The following POLH variants were observed in gnomAD, a reference collection of about 807,000 sequenced individuals.
POLH encodes DNA polymerase eta transcript.
Under a neutral mutation model 73.6 loss-of-function variants are expected in POLH, and 53 were observed. The ratio of observed to expected loss-of-function variants is 0.72; its 90% CI spans 0.58 to 0.91. The LOEUF (loss-of-function observed/expected upper bound fraction) is 0.91. Among genes scored for constraint, POLH ranks in the 40% least tolerant of loss-of-function variants. The probability of loss-of-function intolerance (pLI) is 0.00; values close to 1 mark genes in which losing one functional copy is unlikely to be tolerated. For synonymous variants in POLH, 292 were observed against 308.5 expected, an observed-to-expected ratio of 0.95 and a Z score of 0.56; for missense variants, 768 against 865.4, an observed-to-expected ratio of 0.89 and a Z score of 1.41.
chr6:43,597,691 T>G lies in POLH; in HGVS notation c.491-5T>G. ...GTCTAAATGTGAGTTCTTAATTCATTTCAGAGGGGATGCGAAAACAAGGCT... is the reference window on the plus strand; with the variant it reads ...GTCTAAATGTGAGTTCTTAATTCATGTCAGAGGGGATGCGAAAACAAGGCT... On this transcript the variant is annotated splice_polypyrimidine_tract_variant and splice_region_variant and intron_variant, in intron 4 of 10. Transcript: ENST00000372236. The G allele has an allele frequency of 6.2e-7, 1 of 1,612,548 alleles. No homozygotes were observed. Among genetic ancestry groups the G allele is most frequent in the South Asian group, 1.1e-5 (1 of 91,042 alleles).
chr6:43,601,711 C>T (rs1438782126), intron 6 of POLH, among the ~76,000 whole-genome samples: 2 of 152,096 alleles, frequency 1.3e-5, no homozygotes, highest in Admixed American at 6.6e-5. Context: ...ATCGCTTGAG[C>T]CCAGGAGGTC....
At chr6:43,580,340 TC>T (rs1763902195) in intron 1 of POLH, among the ~76,000 whole-genome samples, 1 of 144,910 alleles carries the variant, frequency 6.9e-6, no homozygotes, top group African/African-American at 2.5e-5. Context: ...CCATCCGATT[TC>T]TCAATCTTTT....
chr6:43,607,769 A>G (rs1207360988), intron 9 of POLH, among the ~76,000 whole-genome samples: 2 of 152,114 alleles, frequency 1.3e-5, no homozygotes, highest in Admixed American at 1.3e-4. Context: ...ATGGTATCTC[A>G]TTATGGTTTG....
chr6:43,579,760 A>T (rs1429776108), intron 1 of POLH, among the ~76,000 whole-genome samples: 1 of 152,190 alleles, frequency 6.6e-6, no homozygotes, highest in Non-Finnish European at 1.5e-5. Flanking sequence ...TTCTCCAGGT[A>T]GATAATGTCA....
intron 4 of POLH, among the ~76,000 whole-genome samples, chr6:43,595,631 G>T (rs1348077204): frequency 6.6e-6 from 1 of 151,954 alleles, no homozygotes; most frequent in Non-Finnish European, 1.5e-5. Flanking sequence ...GGCGACTGTA[G>T]TCCCAGCTAC....
chr6:43,598,183 C>T (rs1451908927), intron 5 of POLH, among the ~76,000 whole-genome samples: 6 of 138,444 alleles, frequency 4.3e-5, no homozygotes, highest in African/African-American at 1.5e-4. Flanking sequence ...TCAGCTTGGG[C>T]GACAGTGAGA....
intron 1 of POLH, among the ~76,000 whole-genome samples, chr6:43,580,992 GA>G (rs1561895583): frequency 1.7e-5 from 2 of 120,732 alleles, no homozygotes; most frequent in African/African-American, 8.4e-5. Flanking sequence ...GCGGGGGGCT[GA>G]CCCCCCCCCA....
intron 6 of POLH, among the ~76,000 whole-genome samples, chr6:43,603,479 C>T (rs997815952): frequency 4.6e-5 from 7 of 151,950 alleles, no homozygotes; most frequent in African/African-American, 4.8e-5. Flanking sequence ...CCAGGCTGGT[C>T]TCAAACTCCT....
chr6:43,617,414 C>G lies in POLH; in HGVS notation c.*2857C>G, dbSNP rs576278736. 6.6e-5 allele frequency among the ~76,000 whole-genome samples: 10 copies of G among 151,446 alleles called. No homozygotes were observed. Among genetic ancestry groups the G allele is most frequent in the African/African-American group, 2.2e-4 (9 of 41,218 alleles). On this transcript the variant is annotated 3_prime_UTR_variant, in exon 11 of 11. Coordinates refer to ENST00000372236, the MANE Select transcript of POLH (RefSeq NM_006502.3). ...GCCAAGGTGGGCGGATCACTTGAGG[C>G]TGGGAGTTTGAGACCAGGCTGGCCA... is the stretch of plus-strand genomic sequence containing the variant.
intron 6 of POLH, among the ~76,000 whole-genome samples, chr6:43,602,587 T>C (rs991029531): frequency 2.0e-5 from 3 of 152,072 alleles, no homozygotes; most frequent in Non-Finnish European, 2.9e-5. Flanking sequence ...AGCTGCACCA[T>C]ATTGAGGAGG....
intron 9 of POLH, among the ~76,000 whole-genome samples, chr6:43,609,682 C>A (rs915274026): frequency 6.6e-6 from 1 of 151,974 alleles, no homozygotes; most frequent in African/African-American, 2.4e-5. Context: ...GAATTGGTGG[C>A]GAATGTTTGT....
At position 43,614,556 on chromosome 6, in the gene POLH, A is replaced by G; in HGVS notation, c.2141A>G (p.Ter714TrpextTer8). ...LESFFKPLTH[*>W] ...TCATTTTTTAAGCCATTAACACATT[A>G]GTGCTGCCCTCAGGCTTGCCTGTAG... is the stretch of plus-strand genomic sequence containing the variant. Residue 714 changes from the stop codon to tryptophan, a stop_lost, in exon 11 of 11, where the codon TAG (stop) becomes TGG (tryptophan). Coordinates refer to ENST00000372236, the MANE Select transcript of POLH (RefSeq NM_006502.3). 1.2e-6 allele frequency: 2 copies of G among 1,612,516 alleles called. No individual in the cohort carries two copies. Among genetic ancestry groups the G allele is most frequent in the Non-Finnish European group, 1.7e-6 (2 of 1,179,092 alleles).
chr6:43,614,782 A>G lies in POLH; in HGVS notation c.*225A>G. The G allele has an allele frequency of 1.9e-6, 1 of 520,418 alleles. No individual in the cohort carries two copies. Among genetic ancestry groups the G allele is most frequent in the South Asian group, 2.7e-5 (1 of 37,296 alleles). The allele number at this position is 520,418 out of a possible 1,614,324, so 32.2% of individuals were successfully genotyped here. On this transcript the variant is annotated 3_prime_UTR_variant, in exon 11 of 11. Coordinates refer to ENST00000372236, the MANE Select transcript of POLH (RefSeq NM_006502.3). ...AAAATTCATCCTACCAGAGTTTTTA[A>G]TCTTTAGCATTTAGGGAGGCAGTGT...
chr6:43,604,882 G>T lies in POLH; in HGVS notation c.1008+144G>T, dbSNP rs1767104549. On this transcript the variant is annotated intron_variant, in intron 8 of 10. Transcript: ENST00000372236. Reference sequence around the variant, plus strand: ...ATGTTCTGTCCTTGGGTTGAAAATTGACTAGTTTATGATTATTACTTTTTT... The same window carrying T: ...ATGTTCTGTCCTTGGGTTGAAAATTTACTAGTTTATGATTATTACTTTTTT... 3.5e-6 allele frequency: 3 copies of T among 868,388 alleles called. No individual in the cohort carries two copies. In the South Asian group the frequency reaches 4.3e-5, roughly 12 times the overall value. 53.8% of individuals were successfully genotyped at this position (868,388 alleles called of 1,614,324 possible).
chr6:43,595,611 C>T (rs1251398178), intron 4 of POLH, among the ~76,000 whole-genome samples: 1 of 151,842 alleles, frequency 6.6e-6, no homozygotes, highest in African/African-American at 2.4e-5. Flanking sequence ...ATTAGCCGGG[C>T]GTGGTTGCAG....
rs1409303307 is a variant in POLH at position 43,620,158 on chromosome 6, A to C, written c.*5601A>C. ...TTCTACTCTTCTTTAAGTAGCTGGCACTGTATCTCTGCCAGGGCACAGAAG... is the reference window on the plus strand; with the variant it reads ...TTCTACTCTTCTTTAAGTAGCTGGCCCTGTATCTCTGCCAGGGCACAGAAG... On this transcript the variant is annotated 3_prime_UTR_variant, in exon 11 of 11. Transcript: ENST00000372236. The C allele has an allele frequency of 2.2e-6, 1 of 451,598 alleles. No individual in the cohort carries two copies. The highest frequency in any genetic ancestry group is 6.7e-5 in the East Asian group (1 of 15,008). The allele number at this position is 451,598 out of a possible 1,614,324, so 28.0% of individuals were successfully genotyped here.
At position 43,576,263 on chromosome 6, in the gene POLH, C is replaced by G. The variant is rs1415994727; in HGVS notation, c.-182C>G. The G allele has an allele frequency of 6.0e-6, 1 of 165,468 alleles. No individual in the cohort carries two copies. The highest frequency in any genetic ancestry group is 1.3e-5 in the Non-Finnish European group (1 of 77,202). 10.2% of individuals were successfully genotyped at this position (165,468 alleles called of 1,614,324 possible). ...ACGGTTGCCCGGGCAGGATCCTTTA[C>G]GATCCCTTCTCGGTTTCTCCGTCGT... On this transcript the variant is annotated 5_prime_UTR_variant, in exon 1 of 11. Transcript: ENST00000372236.
rs925236295 is a variant in POLH, at chr6:43,618,733, C to T, written c.*4176C>T. Among the ~76,000 whole-genome samples the T allele has an allele frequency of 6.6e-6, 1 of 152,086 alleles. No individual in the cohort carries two copies. The highest frequency in any genetic ancestry group is 2.1e-4 in the South Asian group (1 of 4,830). On this transcript the variant is annotated 3_prime_UTR_variant, in exon 11 of 11. Transcript: ENST00000372236. Reference sequence around the variant, plus strand: ...GCAACCTCCGCCTCCCGGGTTCAAGCGATTCTCCTGCATCAGCCTCCTGAG... The same window carrying T: ...GCAACCTCCGCCTCCCGGGTTCAAGTGATTCTCCTGCATCAGCCTCCTGAG...
At position 43,614,046 on chromosome 6, in the gene POLH, T is replaced by G; in HGVS notation, c.1631T>G (p.Leu544Arg). The G allele has an allele frequency of 6.2e-7, 1 of 1,614,210 alleles. No individual in the cohort carries two copies. The stretch of plus-strand genomic sequence containing the variant: ...AGTCTGCTTCTAAAGCAGAAACAGC[T>G]TAATAATTCTTCAGTTTCTTCCCCC... ...QKSLLLKQKQ[L>R]NNSSVSSPQQ... is the part of the protein sequence containing the mutation. Residue 544 changes from leucine to arginine, a missense_variant, in exon 11 of 11, where the codon CTT becomes CGT. Coordinates refer to ENST00000372236, the MANE Select transcript of POLH (RefSeq NM_006502.3).
Sources: allele counts gnomAD v4.1 joint callset (sites outside exome capture counted in the v4.1 genomes callset), GRCh38; gene constraint gnomAD v4.1.1; transcripts MANE v1.5; gene names NCBI Gene and HGNC (gene_info 2026-07-23, HGNC 2026-07-21).